GCNT2: variants seen among roughly 807,000 people sequenced by gnomAD.
The protein encoded by GCNT2 is N-acetyllactosaminide beta-1,6-N-acetylglucosaminyl-transferase.
Under a neutral mutation model 34.2 loss-of-function variants are expected in GCNT2, and 34 were observed. The observed-to-expected ratio is 1.00, with a 90% CI of 0.76 to 1.32. The LOEUF (loss-of-function observed/expected upper bound fraction) is 1.32. GCNT2 is among the 40% of genes most tolerant of loss of function. GCNT2 has a pLI of 0.00. For synonymous variants in GCNT2, 212 were observed against 188.0 expected, an observed-to-expected ratio of 1.13 and a Z score of -1.04; for missense variants, 584 against 489.4, an observed-to-expected ratio of 1.19 and a Z score of -1.82.
At chr6:10,556,280 GAAAC>G (rs2113658926) in intron 3 of GCNT2, 1 of 1,503,240 alleles carries the variant, frequency 6.7e-7, no homozygotes, top group East Asian at 2.4e-5. Flanking sequence ...CTCTCGGGAT[GAAAC>G]GGAATCGATT....
At chr6:10,606,019 T>C (rs1018294481) in intron 3 of GCNT2, among the ~76,000 whole-genome samples, 8 of 152,062 alleles carry the variant, frequency 5.3e-5, no homozygotes, top group African/African-American at 1.4e-4. Flanking sequence ...TCAACAAATG[T>C]TTTTTAAGTC....
Position 10,601,939 on chromosome 6 carries a change from T to TTAAAAAA in GCNT2, c.926-19412_926-19411insTAAAAAA, listed in dbSNP as rs1561830857. ...CTGGGCAACAGAGCGAGACTCCATC[T>TTAAAAAA]CAAGAAAAAAAAAAAAAAAAACAAA... On this transcript the variant is annotated intron_variant, in intron 3 of 4. Coordinates refer to ENST00000495262, the MANE Select transcript of GCNT2 (RefSeq NM_145649.5). 1.2e-3 allele frequency among the ~76,000 whole-genome samples: 90 copies of TTAAAAAA among 76,360 alleles called. 4 individuals carry two copies. Among genetic ancestry groups the TTAAAAAA allele is most frequent in the African/African-American group, 6.4e-3 (84 of 13,100 alleles). The allele number at this position is 76,360 out of a possible 152,430, so 50.1% of individuals were successfully genotyped here.
intron 3 of GCNT2, among the ~76,000 whole-genome samples, chr6:10,595,570 C>T (rs183669131): frequency 1.8e-3 from 278 of 152,242 alleles, no homozygotes; most frequent in Middle Eastern, 6.8e-3. Context: ...CCACTCTGCC[C>T]GGCCGGTTGG....
intron 3 of GCNT2, among the ~76,000 whole-genome samples, chr6:10,542,161 G>C (rs547069413): frequency 1.3e-5 from 2 of 152,160 alleles, no homozygotes; most frequent in Admixed American, 6.6e-5. Flanking sequence ...TATCCAACAG[G>C]TTTCTACCGT....
chr6:10,571,538 A>G (rs1449379135), intron 3 of GCNT2, among the ~76,000 whole-genome samples: 1 of 152,050 alleles, frequency 6.6e-6, no homozygotes, highest in Non-Finnish European at 1.5e-5. Flanking sequence ...TTTTTAGTAG[A>G]GATGGGGTTT....
intron 3 of GCNT2, among the ~76,000 whole-genome samples, chr6:10,614,705 A>T (rs1173687074): frequency 6.6e-6 from 1 of 151,802 alleles, no homozygotes; most frequent in Non-Finnish European, 1.5e-5. Context: ...AGATTATTAC[A>T]CCTTAAGTTG....
chr6:10,548,982 C>T (rs1762376298), intron 3 of GCNT2, among the ~76,000 whole-genome samples: 1 of 152,210 alleles, frequency 6.6e-6, no homozygotes, highest in African/African-American at 2.4e-5. Flanking sequence ...TGGTCTTGAA[C>T]TCCTGACCTC....
Position 10,529,666 on chromosome 6 carries a change from C to T in GCNT2, c.755C>T (p.Thr252Ile), listed in dbSNP as rs764671795. 3.7e-6 allele frequency: 6 copies of T among 1,613,460 alleles called. No individual in the cohort carries two copies. Among genetic ancestry groups the T allele is most frequent in the South Asian group, 3.3e-5 (3 of 91,042 alleles). Residue 252 changes from threonine to isoleucine, a missense_variant, in exon 3 of 5, where the codon ACT (threonine) becomes ATT (isoleucine). By Grantham distance (89) the Thr-to-Ile change is moderately conservative. Coordinates refer to ENST00000495262, the MANE Select transcript of GCNT2 (RefSeq NM_145649.5). ...GTGATTAAAACAACAAAATTAAAAA[C>T]TCCTCCTCCTCATGACATGGTGATT... ...SYVIKTTKLKTPPPHDMVIYF... is the reference protein window; with the variant it reads ...SYVIKTTKLKIPPPHDMVIYF...
At chr6:10,599,126 A>AGTGTTTGAGAAC (rs1385133703) in intron 3 of GCNT2, among the ~76,000 whole-genome samples, 3 of 152,184 alleles carry the variant, frequency 2.0e-5, no homozygotes, top group Admixed American at 2.0e-4. Context: ...AAGCAGCTTG[A>AGTGTTTGAGAAC]ATTCCCTCCG....
At chr6:10,618,358 T>C (rs1221046152) in intron 3 of GCNT2, among the ~76,000 whole-genome samples, 2 of 152,260 alleles carry the variant, frequency 1.3e-5, no homozygotes, top group African/African-American at 2.4e-5. Context: ...GTAGGTGTTA[T>C]GTGTTCATTT....
intron 3 of GCNT2, among the ~76,000 whole-genome samples, chr6:10,606,045 T>C (rs1765298352): frequency 1.3e-5 from 2 of 152,212 alleles, no homozygotes; most frequent in African/African-American, 4.8e-5. Context: ...CCAGGTGCGG[T>C]GGCTCACGCC....
intron 3 of GCNT2, among the ~76,000 whole-genome samples, chr6:10,548,209 G>C (rs1029782947): frequency 6.6e-6 from 1 of 152,126 alleles, no homozygotes; most frequent in Non-Finnish European, 1.5e-5. Flanking sequence ...ACTCCAGCCT[G>C]GGCAACAGAA....
intron 3 of GCNT2, among the ~76,000 whole-genome samples, chr6:10,532,242 C>A (rs772969641): frequency 6.6e-6 from 1 of 152,192 alleles, no homozygotes; most frequent in African/African-American, 2.4e-5. Flanking sequence ...AACCCCCTGA[C>A]TTCTCGACTC....
chr6:10,607,970 TG>T (rs1230934664), intron 3 of GCNT2, among the ~76,000 whole-genome samples: 1 of 152,186 alleles, frequency 6.6e-6, no homozygotes, highest in African/African-American at 2.4e-5. Context: ...TTCGAGAACT[TG>T]CTTAGGTTTC....
intron 3 of GCNT2, among the ~76,000 whole-genome samples, chr6:10,580,416 G>A (rs899254858): frequency 1.3e-5 from 2 of 152,148 alleles, no homozygotes; most frequent in Admixed American, 1.3e-4. Flanking sequence ...CTGCCTGTAG[G>A]CATTTGAGTG....
intron 3 of GCNT2, among the ~76,000 whole-genome samples, chr6:10,567,450 C>T (rs768647767): frequency 6.6e-6 from 1 of 152,046 alleles, no homozygotes; most frequent in East Asian, 1.9e-4. Context: ...GAGCAAGATG[C>T]TATCTCAAAG....
At chr6:10,538,671 C>T (rs1033055506) in intron 3 of GCNT2, among the ~76,000 whole-genome samples, 2 of 151,646 alleles carry the variant, frequency 1.3e-5, no homozygotes, top group African/African-American at 2.4e-5. Flanking sequence ...GTAATTTCCC[C>T]AGATCAGAAA....
chr6:10,613,052 T>C (rs1765626348), intron 3 of GCNT2, among the ~76,000 whole-genome samples: 1 of 152,256 alleles, frequency 6.6e-6, no homozygotes, highest in Non-Finnish European at 1.5e-5. Flanking sequence ...ACAAAATTCC[T>C]TGTTTTCTTA....
intron 3 of GCNT2, among the ~76,000 whole-genome samples, chr6:10,554,939 AATG>A (rs1172051448): frequency 3.9e-5 from 6 of 152,216 alleles, no homozygotes; most frequent in African/African-American, 7.2e-5. Context: ...GTGCTCAGGA[AATG>A]ATGTGTCATT....
Sources: allele counts gnomAD v4.1 joint callset (sites outside exome capture counted in the v4.1 genomes callset), GRCh38; gene constraint gnomAD v4.1.1; transcripts MANE v1.5; gene names NCBI Gene and HGNC (gene_info 2026-07-23, HGNC 2026-07-21).